The following ARHGEF4 variants were observed in gnomAD, a reference collection of about 807,000 sequenced individuals.
The protein encoded by ARHGEF4 is APC-stimulated guanine nucleotide exchange factor 1.
A neutral mutation model predicts 162.0 loss-of-function variants in ARHGEF4; 119 were observed. The observed-to-expected ratio is 0.73, with a 90% CI of 0.63 to 0.86. ARHGEF4 has a LOEUF of 0.86. Ranked by LOEUF, ARHGEF4 falls within the 40% of genes least tolerant of loss-of-function variation. The probability of loss-of-function intolerance (pLI) is 0.00; values close to 1 mark genes in which losing one functional copy is unlikely to be tolerated. For synonymous variants in ARHGEF4, 1,014 were observed against 979.9 expected (o/e 1.03, Z -0.65); for missense variants, 2,488 against 2,456.0 (o/e 1.01, Z -0.28).
At chr2:130,931,851 A>G (rs750341891) in intron 3 of ARHGEF4, among the ~76,000 whole-genome samples, 5 of 152,210 alleles carry the variant, frequency 3.3e-5, no homozygotes, top group Non-Finnish European at 7.3e-5. Flanking sequence ...ATTTAATATC[A>G]AGTGTTTGTG....
chr2:130,957,313 T>C (rs1380075873), intron 4 of ARHGEF4, among the ~76,000 whole-genome samples: 3 of 152,032 alleles, frequency 2.0e-5, no homozygotes, highest in Non-Finnish European at 4.4e-5. Flanking sequence ...AAACTTCTGA[T>C]ACATGCTGCG....
intron 1 of ARHGEF4, among the ~76,000 whole-genome samples, chr2:130,881,848 G>A (rs764045142): frequency 1.3e-5 from 2 of 152,082 alleles, no homozygotes; most frequent in Non-Finnish European, 2.9e-5. Flanking sequence ...GTTGCAGCAG[G>A]TGTGTACGAG....
chr2:131,021,773 C>T (rs1689152996), intron 4 of ARHGEF4, among the ~76,000 whole-genome samples: 2 of 152,216 alleles, frequency 1.3e-5, no homozygotes, highest in Non-Finnish European at 2.9e-5. Flanking sequence ...TTCCGTCTTC[C>T]ATCGCTGAGT....
intron 3 of ARHGEF4, among the ~76,000 whole-genome samples, chr2:130,931,636 C>T (rs531604833): frequency 6.6e-6 from 1 of 152,334 alleles, no homozygotes; most frequent in African/African-American, 2.4e-5. Flanking sequence ...CACAGAGGCA[C>T]AGAACATTTC....
In ARHGEF4 at chr2:130,847,110, G is replaced by A. The variant is rs915201595; in HGVS notation, c.39+10118G>A. On this transcript the variant is annotated intron_variant, in intron 1 of 13. Transcript: ENST00000409359. Reference sequence around the variant, plus strand: ...TCCTGACGCACTGGGTCCAGTCAAGGCGACCCTGAGGGCCTTTCCCAGCCT... The same window carrying A: ...TCCTGACGCACTGGGTCCAGTCAAGACGACCCTGAGGGCCTTTCCCAGCCT... Among the ~76,000 whole-genome samples, 28 of 152,274 alleles carry A rather than the reference G, an allele frequency of 1.8e-4. 1 individual carries two copies. Among genetic ancestry groups the A allele is most frequent in the African/African-American group, 6.0e-4 (25 of 41,568 alleles).
intron 1 of ARHGEF4, among the ~76,000 whole-genome samples, chr2:130,856,519 G>A (rs1318778416): frequency 1.3e-5 from 2 of 152,204 alleles, no homozygotes; most frequent in African/African-American, 4.8e-5. Context: ...AGTGACACCA[G>A]AGAATAATTC....
chr2:130,984,562 G>A lies in ARHGEF4; in HGVS notation c.3985+37927G>A, dbSNP rs556693154. On this transcript the variant is annotated intron_variant, in intron 4 of 13. Transcript: ENST00000409359. ...AAAAATTGCCGGGTGTAGTGGCTGC[G>A]CCTGTAATCCCAGCTACTCGGGAGG... Among the ~76,000 whole-genome samples, 11 of 151,578 alleles carry A rather than the reference G, an allele frequency of 7.3e-5. No individual in the cohort carries two copies. The South Asian group carries it at 1.0e-3, about 14-fold the overall frequency.
At chr2:130,964,288 G>A (rs1242551114) in intron 4 of ARHGEF4, 1 of 984,424 alleles carries the variant, frequency 1.0e-6, no homozygotes. Flanking sequence ...CGCGCCCTCC[G>A]CGCCCGGGTC....
chr2:130,916,308 C>T lies in ARHGEF4; in HGVS notation c.2362C>T (p.Pro788Ser). The change falls in exon 2 of 14, where the codon CCT becomes TCT. Residue 788 changes from proline (P) to serine (S), a missense_variant. By Grantham distance (74) the Pro-to-Ser change is moderately conservative. Transcript: ENST00000409359. ...CGGGCTCCGCAAGGGCGCGCAGGAG[C>T]CTGGGAAGCGCCCGACGTTTTCCAA... ...PRGLRKGAQE[P>S]GKRPTFSKVT... 6.5e-7 allele frequency: 1 copy of T among 1,542,298 alleles called. No homozygotes were observed. Among genetic ancestry groups the T allele is most frequent in the Non-Finnish European group, 8.7e-7 (1 of 1,144,838 alleles).
chr2:130,877,867 G>A (rs545441486), intron 1 of ARHGEF4, among the ~76,000 whole-genome samples: 11 of 152,070 alleles, frequency 7.2e-5, no homozygotes, highest in Non-Finnish European at 1.3e-4. Context: ...ATGGGGTTGG[G>A]GATTTTGACT....
At chr2:130,861,332 C>T (rs1682005780) in intron 1 of ARHGEF4, among the ~76,000 whole-genome samples, 1 of 4,510 alleles carries the variant, frequency 2.2e-4, no homozygotes, top group Non-Finnish European at 3.9e-4. Context: ...GGCTGGAGTG[C>T]GATGGTGCAA....
chr2:130,943,200 G>C (rs1346834407), intron 3 of ARHGEF4, among the ~76,000 whole-genome samples: 2 of 152,064 alleles, frequency 1.3e-5, no homozygotes, highest in African/African-American at 4.8e-5. Flanking sequence ...ATGATGTTAT[G>C]TTCTTCTGTG....
chr2:130,948,190 T>C (rs1683735483), intron 4 of ARHGEF4, among the ~76,000 whole-genome samples: 1 of 152,242 alleles, frequency 6.6e-6, no homozygotes, highest in Non-Finnish European at 1.5e-5. Flanking sequence ...AGTTGAGCTC[T>C]GAATCTGACT....
chr2:130,937,968 T>C (rs986203539), intron 3 of ARHGEF4, among the ~76,000 whole-genome samples: 2 of 152,112 alleles, frequency 1.3e-5, no homozygotes, highest in Non-Finnish European at 2.9e-5. Flanking sequence ...CACCCGGCCT[T>C]TGTATCATAA....
At chr2:130,968,613 T>A (rs1408660849) in intron 4 of ARHGEF4, among the ~76,000 whole-genome samples, 1 of 152,120 alleles carries the variant, frequency 6.6e-6, no homozygotes, top group Non-Finnish European at 1.5e-5. Flanking sequence ...CGGCTGCAGC[T>A]CCCTGCTAAG....
At chr2:130,927,288 G>A (rs1347482399) in intron 2 of ARHGEF4, among the ~76,000 whole-genome samples, 1 of 152,164 alleles carries the variant, frequency 6.6e-6, no homozygotes, top group East Asian at 1.9e-4. Flanking sequence ...CAGGTCAGGG[G>A]AGGAATGCCT....
At chr2:130,907,227 TTTTG>T in intron 1 of ARHGEF4, among the ~76,000 whole-genome samples, 1 of 39,194 alleles carries the variant, frequency 2.6e-5, no homozygotes, top group Non-Finnish European at 6.8e-5. Context: ...TTTTTTTTTT[TTTTG>T]AGACAGAGTC....
At chr2:130,936,635 A>G (rs1682958584) in intron 3 of ARHGEF4, among the ~76,000 whole-genome samples, 1 of 152,068 alleles carries the variant, frequency 6.6e-6, no homozygotes, top group South Asian at 2.1e-4. Flanking sequence ...CTGAGGAGAA[A>G]TCAGCTGTTA....
intron 1 of ARHGEF4, among the ~76,000 whole-genome samples, chr2:130,840,346 G>C (rs1355804386): frequency 6.6e-6 from 1 of 152,172 alleles, no homozygotes; most frequent in Non-Finnish European, 1.5e-5. Context: ...GAATCCACTT[G>C]ATTGAACCCA....
Sources: allele counts gnomAD v4.1 joint callset (sites outside exome capture counted in the v4.1 genomes callset), GRCh38; gene constraint gnomAD v4.1.1; transcripts MANE v1.5; gene names NCBI Gene and HGNC (gene_info 2026-07-23, HGNC 2026-07-21).